The following LMBR1 variants were observed in gnomAD, a reference collection of about 807,000 sequenced individuals.
LMBR1 encodes limb region 1 protein homolog.
LMBR1 carries 52 observed loss-of-function variants against 73.9 expected under a neutral mutation model. The ratio of observed to expected loss-of-function variants is 0.70; its 90% CI spans 0.56 to 0.89. The LOEUF (loss-of-function observed/expected upper bound fraction) is 0.89. Ranked by LOEUF, LMBR1 falls within the 40% of genes least tolerant of loss-of-function variation. LMBR1 has a pLI of 0.00. For synonymous variants in LMBR1, 215 were observed against 209.4 expected (o/e 1.03, Z -0.23); for missense variants, 539 against 579.8 (o/e 0.93, Z 0.72).
At chr7:156,837,785 G>GT (rs1837924087) in intron 1 of LMBR1, among the ~76,000 whole-genome samples, 1 of 130,058 alleles carries the variant, frequency 7.7e-6, no homozygotes, top group African/African-American at 2.9e-5. Flanking sequence ...TTTTAATTTT[G>GT]CTTTTTTTTT....
At chr7:156,756,496 T>C (rs761180392) in intron 8 of LMBR1, 31 bp from the exon 9 acceptor site, 1 of 1,063,590 alleles carries the variant, frequency 9.4e-7, no homozygotes, top group East Asian at 2.4e-5. Flanking sequence ...ATTCAATAAT[T>C]CAACGTTATA....
intron 5 of LMBR1, among the ~76,000 whole-genome samples, chr7:156,789,378 C>T (rs796324236): frequency 3.9e-5 from 6 of 152,192 alleles, no homozygotes; most frequent in South Asian, 2.1e-4. Flanking sequence ...ATATTTAAGT[C>T]GTATCATGTT....
At chr7:156,725,031 CTTACT>C (rs903885072) in intron 14 of LMBR1, among the ~76,000 whole-genome samples, 25 of 152,264 alleles carry the variant, frequency 1.6e-4, no homozygotes, top group Admixed American at 1.1e-3. Flanking sequence ...ACTCTTCCGT[CTTACT>C]TTAATTATTC....
At chr7:156,739,659 G>A (rs1229131011) in intron 9 of LMBR1, among the ~76,000 whole-genome samples, 1 of 152,218 alleles carries the variant, frequency 6.6e-6, no homozygotes, top group East Asian at 1.9e-4. Flanking sequence ...TGGTAATCCA[G>A]AGAATTCTTC....
chr7:156,837,347 A>T (rs1287216018), intron 1 of LMBR1, among the ~76,000 whole-genome samples: 2 of 151,790 alleles, frequency 1.3e-5, no homozygotes, highest in African/African-American at 4.8e-5. Context: ...AAAAAAAAAA[A>T]AAAAGTGTTA....
At chr7:156,793,022 TATCACTTCAGCA>T in intron 5 of LMBR1, among the ~76,000 whole-genome samples, 1 of 152,222 alleles carries the variant, frequency 6.6e-6, no homozygotes, top group South Asian at 2.1e-4. Context: ...CTCTCTTCAG[TATCACTTCAGCA>T]ACTATATGTG....
intron 9 of LMBR1, among the ~76,000 whole-genome samples, chr7:156,751,722 G>C (rs376208439): frequency 6.6e-6 from 1 of 152,216 alleles, no homozygotes; most frequent in African/African-American, 2.4e-5. Context: ...TGGGAATTAA[G>C]AGAAAGAGAC....
chr7:156,807,993 C>T (rs1447226754), intron 4 of LMBR1, among the ~76,000 whole-genome samples: 1 of 151,980 alleles, frequency 6.6e-6, no homozygotes, highest in Non-Finnish European at 1.5e-5. Flanking sequence ...TCTTGTATGA[C>T]TTAAAATCCT....
intron 15 of LMBR1, among the ~76,000 whole-genome samples, chr7:156,709,235 AC>A (rs1440320259): frequency 6.6e-6 from 1 of 152,212 alleles, no homozygotes; most frequent in Non-Finnish European, 1.5e-5. Context: ...AGTGAGGCCA[AC>A]CAACTGGCCA....
chr7:156,699,451 C>T (rs1224697628), intron 15 of LMBR1, among the ~76,000 whole-genome samples: 4 of 151,428 alleles, frequency 2.6e-5, no homozygotes, highest in African/African-American at 9.8e-5. Context: ...CCATAAAAAC[C>T]CTAGAAGAAA....
intron 4 of LMBR1, among the ~76,000 whole-genome samples, chr7:156,814,038 T>C (rs1403801289): frequency 6.6e-6 from 1 of 152,180 alleles, no homozygotes; most frequent in Non-Finnish European, 1.5e-5. Flanking sequence ...CTTGCTCTTA[T>C]TTTAGTGCAC....
intron 3 of LMBR1, among the ~76,000 whole-genome samples, chr7:156,831,034 A>C (rs1836584852): frequency 6.6e-6 from 1 of 152,234 alleles, no homozygotes; most frequent in Non-Finnish European, 1.5e-5. Context: ...ACGGTAAGGA[A>C]GACTGGAAAT....
chr7:156,806,553 C>A (rs1242073862), intron 4 of LMBR1, among the ~76,000 whole-genome samples: 1 of 131,152 alleles, frequency 7.6e-6, no homozygotes, highest in East Asian at 2.3e-4. Context: ...AGCATCCAGT[C>A]TTTCACCATT....
At chr7:156,880,289 C>A (rs1039238585) in intron 1 of LMBR1, among the ~76,000 whole-genome samples, 3 of 152,070 alleles carry the variant, frequency 2.0e-5, no homozygotes, top group African/African-American at 7.2e-5. Flanking sequence ...TAAGTGGGAA[C>A]TAAGCTACGA....
intron 5 of LMBR1, among the ~76,000 whole-genome samples, chr7:156,772,882 G>A (rs1315345962): frequency 6.6e-6 from 1 of 151,822 alleles, no homozygotes; most frequent in Non-Finnish European, 1.5e-5. Context: ...GAAGGGAGGG[G>A]AGAGGAGAGG....
chr7:156,865,396 T>C (rs1401387175), intron 1 of LMBR1, among the ~76,000 whole-genome samples: 2 of 152,204 alleles, frequency 1.3e-5, no homozygotes, highest in Non-Finnish European at 2.9e-5. Flanking sequence ...AAACTTGTAC[T>C]CTGGAAGCCA....
At chr7:156,744,986 C>G (rs544549680) in intron 9 of LMBR1, among the ~76,000 whole-genome samples, 14 of 152,118 alleles carry the variant, frequency 9.2e-5, no homozygotes, top group Non-Finnish European at 1.5e-4. Flanking sequence ...TATACCAACT[C>G]TTGTGAGTAC....
chr7:156,789,185 T>C (rs1332502925), intron 5 of LMBR1, among the ~76,000 whole-genome samples: 1 of 152,230 alleles, frequency 6.6e-6, no homozygotes, highest in East Asian at 1.9e-4. Flanking sequence ...CTACTGTTAG[T>C]GTGTCCTTAT....
At chr7:156,715,349 C>T (rs934605651) in intron 15 of LMBR1, among the ~76,000 whole-genome samples, 3 of 152,152 alleles carry the variant, frequency 2.0e-5, no homozygotes, top group Non-Finnish European at 2.9e-5. Flanking sequence ...AAAAAATCCA[C>T]TTTCTGTCTA....
Sources: allele counts gnomAD v4.1 joint callset (sites outside exome capture counted in the v4.1 genomes callset), GRCh38; gene constraint gnomAD v4.1.1; transcripts MANE v1.5; gene names NCBI Gene and HGNC (gene_info 2026-07-23, HGNC 2026-07-21).